MME: variants seen among roughly 807,000 people sequenced by gnomAD.
MME encodes the protein membrane metalloendopeptidase.
In MME, 98 loss-of-function variants were observed where a neutral mutation model predicts 113.2. That is an observed-to-expected ratio of 0.87 (90% CI 0.74 to 1.02). The LOEUF (loss-of-function observed/expected upper bound fraction) is 1.02. Among genes scored for constraint, MME ranks in the 50% least tolerant of loss-of-function variants. The probability of loss-of-function intolerance (pLI) is 0.00; values close to 1 mark genes in which losing one functional copy is unlikely to be tolerated. For synonymous variants in MME, 292 were observed against 300.6 expected, an observed-to-expected ratio of 0.97 and a Z score of 0.30; for missense variants, 836 against 896.0, an observed-to-expected ratio of 0.93 and a Z score of 0.86.
intron 1 of MME, among the ~76,000 whole-genome samples, chr3:155,055,326 G>A (rs1231855785): frequency 6.6e-6 from 1 of 152,146 alleles, no homozygotes; most frequent in African/African-American, 2.4e-5. Context: ...GACCAGGCAT[G>A]GTGGCTCATG....
intron 1 of MME, among the ~76,000 whole-genome samples, chr3:155,062,929 G>C (rs148866212): frequency 3.3e-5 from 5 of 149,724 alleles, no homozygotes; most frequent in Admixed American, 6.7e-5. Context: ...CCAGCTACTC[G>C]GAAGGCTGAG....
At position 155,089,077 on chromosome 3, in the gene MME, G is replaced by T. The variant is rs1205070122; in HGVS notation, c.196+3983G>T. On this transcript the variant is annotated intron_variant, in intron 3 of 22. Transcript: ENST00000360490. Reference sequence around the variant, plus strand: ...ATATTTATGATGTACATAAAATGATGTTTATGTATACTTTAAATTAACTTG... The same window carrying T: ...ATATTTATGATGTACATAAAATGATTTTTATGTATACTTTAAATTAACTTG... 2.6e-5 allele frequency among the ~76,000 whole-genome samples: 4 copies of T among 152,246 alleles called. No homozygotes were observed. In the East Asian group the frequency reaches 7.7e-4, roughly 29 times the overall value.
chr3:155,116,092 A>C (rs541477031), intron 4 of MME, among the ~76,000 whole-genome samples: 1 of 152,082 alleles, frequency 6.6e-6, no homozygotes, highest in African/African-American at 2.4e-5. Context: ...CAAAAAGACT[A>C]TTCATACTAA....
intron 16 of MME, among the ~76,000 whole-genome samples, chr3:155,150,390 G>A (rs1488938116): frequency 6.6e-6 from 1 of 152,112 alleles, no homozygotes; most frequent in African/African-American, 2.4e-5. Context: ...AGCCAAAAGT[G>A]TATACAATAT....
At chr3:155,092,999 C>T (rs1229403457) in intron 3 of MME, among the ~76,000 whole-genome samples, 1 of 149,742 alleles carries the variant, frequency 6.7e-6, no homozygotes, top group Non-Finnish European at 1.5e-5. Flanking sequence ...GTAAATTTAC[C>T]AAAAATTAAT....
intron 3 of MME, among the ~76,000 whole-genome samples, chr3:155,096,712 GTTGT>G (rs368508396): frequency 5.9e-5 from 9 of 152,170 alleles, no homozygotes; most frequent in East Asian, 3.9e-4. Flanking sequence ...TGTTGTTGCT[GTTGT>G]TTGTTTGTTT....
At chr3:155,073,277 A>G (rs1576683820) in intron 1 of MME, among the ~76,000 whole-genome samples, 2 of 152,222 alleles carry the variant, frequency 1.3e-5, no homozygotes, top group East Asian at 3.8e-4. Flanking sequence ...TTTTAAGAAC[A>G]AACAGACATT....
At chr3:155,088,441 T>G (rs1033668131) in intron 3 of MME, among the ~76,000 whole-genome samples, 1 of 152,014 alleles carries the variant, frequency 6.6e-6, no homozygotes, top group African/African-American at 2.4e-5. Flanking sequence ...CCCAGCACTT[T>G]GGGAGGCTGA....
intron 1 of MME, among the ~76,000 whole-genome samples, chr3:155,028,642 T>C (rs1712864136): frequency 6.6e-6 from 1 of 152,218 alleles, no homozygotes; most frequent in Admixed American, 6.5e-5. Context: ...AAAGGTGTAA[T>C]TATTCTAAAT....
intron 8 of MME, among the ~76,000 whole-genome samples, chr3:155,130,924 C>T (rs1004775426): frequency 2.0e-5 from 3 of 152,076 alleles, no homozygotes; most frequent in African/African-American, 7.2e-5. Flanking sequence ...AGGCAGTAGA[C>T]ATTCCAAGGA....
chr3:155,141,101 T>C (rs918449710), intron 10 of MME, among the ~76,000 whole-genome samples: 1 of 152,192 alleles, frequency 6.6e-6, no homozygotes, highest in Admixed American at 6.6e-5. Context: ...GATGAAGCAA[T>C]ATCCATGGGA....
intron 3 of MME, among the ~76,000 whole-genome samples, chr3:155,107,137 C>T (rs1223075997): frequency 6.6e-6 from 1 of 151,990 alleles, no homozygotes; most frequent in African/African-American, 2.4e-5. Context: ...GGGTGGATCA[C>T]GAGGTCAGGA....
rs768458416 is a variant in MME, at chr3:155,116,729, G to A, written c.505G>A (p.Val169Ile). Residue 169 changes from valine (V) to isoleucine (I), a missense_variant, in exon 6 of 23, where the codon GTA (valine) becomes ATA (isoleucine). Coordinates refer to ENST00000360490, the MANE Select transcript of MME (RefSeq NM_007289.4). ...KLLPDIYGWPVATENWEQKYG... is the reference protein window; with the variant it reads ...KLLPDIYGWPIATENWEQKYG... Reference sequence around the variant, plus strand: ...GTTACCAGACATATATGGGTGGCCAGTAGCAACAGAAAACTGGGAGCAAAA... The same window carrying A: ...GTTACCAGACATATATGGGTGGCCAATAGCAACAGAAAACTGGGAGCAAAA... 1.2e-6 allele frequency: 2 copies of A among 1,613,606 alleles called. No homozygotes were observed. Among genetic ancestry groups the A allele is most frequent in the South Asian group, 2.2e-5 (2 of 91,054 alleles).
intron 1 of MME, among the ~76,000 whole-genome samples, chr3:155,030,497 C>T (rs1712933929): frequency 6.6e-6 from 1 of 152,044 alleles, no homozygotes; most frequent in Non-Finnish European, 1.5e-5. Flanking sequence ...TGTATCTGTA[C>T]TCAGTGTAGA....
intron 8 of MME, among the ~76,000 whole-genome samples, chr3:155,125,758 C>A (rs1719601021): frequency 6.6e-6 from 1 of 151,920 alleles, no homozygotes; most frequent in Admixed American, 6.6e-5. Context: ...CACACCTGGC[C>A]CATGTGCTTT....
rs749573166 is a variant in MME at position 155,085,063 on chromosome 3, T to C, written c.165T>C (p.Gly55=). ...MIALYATYDD[G]ICKSSDCIKS... ...TATATTCTCTCCTTTTTCTAGATGG[T>C]ATTTGCAAGTCATCAGACTGCATAA... Residue 55 remains glycine, a synonymous_variant, in exon 3 of 23, where the codon GGT becomes GGC. Transcript: ENST00000360490. The C allele has an allele frequency of 1.9e-6, 3 of 1,588,006 alleles. No homozygotes were observed. Among genetic ancestry groups the C allele is most frequent in the Non-Finnish European group, 2.6e-6 (3 of 1,160,390 alleles).
At chr3:155,097,449 T>C (rs939013443) in intron 3 of MME, among the ~76,000 whole-genome samples, 5 of 150,958 alleles carry the variant, frequency 3.3e-5, no homozygotes, top group African/African-American at 1.2e-4. Flanking sequence ...AATTAGAGAG[T>C]GATCATTGGA....
At chr3:155,112,520 T>C (rs968391450) in intron 3 of MME, 1 of 152,202 alleles carries the variant, frequency 6.6e-6, no homozygotes, top group African/African-American at 2.4e-5. Context: ...TTTATTATGA[T>C]TGCAAAAGGA....
intron 3 of MME, among the ~76,000 whole-genome samples, chr3:155,105,090 G>A (rs9844438): frequency 0.049 from 7,490 of 152,088 alleles, 250 homozygotes; most frequent in Non-Finnish European, 0.071. Context: ...GTCCTCCCTT[G>A]GCTGTGAGCC....
Sources: gnomAD v4.1 joint callset for allele counts (sites outside exome capture counted in the v4.1 genomes callset) on GRCh38, gnomAD v4.1.1 for gene constraint, MANE v1.5 for transcripts, NCBI Gene and HGNC (gene_info 2026-07-23, HGNC 2026-07-21) for gene names.